TAS2R1: variants seen among roughly 807,000 people sequenced by gnomAD.
TAS2R1 encodes taste receptor type 2 member 1.
For synonymous variants in TAS2R1, 141 were observed against 134.2 expected (o/e 1.05, Z -0.35); for missense variants, 370 against 353.4 (o/e 1.05, Z -0.38).
chr5:9,868,024 C>G, the TAS2R1 span, among the ~76,000 whole-genome samples: 1 of 152,178 alleles, frequency 6.6e-6, no homozygotes, highest in East Asian at 1.9e-4. Flanking sequence ...GGCTCCAAGG[C>G]CTTGGGGAGC....
At chr5:9,871,504 C>T in the TAS2R1 span, among the ~76,000 whole-genome samples, 4 of 152,168 alleles carry the variant, frequency 2.6e-5, no homozygotes, top group Non-Finnish European at 4.4e-5. Context: ...TGGACACAGA[C>T]GTAAAGCCCT....
chr5:9,817,828 G>C, the TAS2R1 span, among the ~76,000 whole-genome samples: 35 of 151,620 alleles, frequency 2.3e-4, no homozygotes, highest in Non-Finnish European at 2.9e-5. Flanking sequence ...GGTAGAAGGT[G>C]AAGGGGAAGC....
the TAS2R1 span, among the ~76,000 whole-genome samples, chr5:9,779,225 G>C: frequency 6.6e-6 from 1 of 152,150 alleles, no homozygotes; most frequent in African/African-American, 2.4e-5. Flanking sequence ...TCCATCTCTT[G>C]TCATGTGACA....
the TAS2R1 span, chr5:9,854,306 C>T: frequency 5.3e-5 from 8 of 151,806 alleles, no homozygotes; most frequent in Non-Finnish European, 4.4e-5. Context: ...GGATTAGGGC[C>T]TCACCTGCTC....
chr5:9,673,118 A>T (rs1740803068), intron 1 of TAS2R1, among the ~76,000 whole-genome samples: 1 of 152,168 alleles, frequency 6.6e-6, no homozygotes, highest in East Asian at 1.9e-4. Flanking sequence ...AAAGAAGGGA[A>T]CAATAGACAC....
chr5:9,804,563 AT>A, the TAS2R1 span, among the ~76,000 whole-genome samples: 1 of 152,208 alleles, frequency 6.6e-6, no homozygotes, highest in African/African-American at 2.4e-5. Context: ...CCACAGTGGA[AT>A]AAAATTGGAA....
intron 1 of TAS2R1, among the ~76,000 whole-genome samples, chr5:9,707,540 G>A (rs948834920): frequency 9.9e-5 from 15 of 152,210 alleles, no homozygotes; most frequent in East Asian, 1.9e-4. Context: ...AAAATTAGCC[G>A]GGCGTGGTGG....
At chr5:9,791,720 A>G in the TAS2R1 span, among the ~76,000 whole-genome samples, 4 of 152,126 alleles carry the variant, frequency 2.6e-5, no homozygotes, top group Non-Finnish European at 5.9e-5. Flanking sequence ...AAAAGAAAAG[A>G]AGAAAAATAC....
intron 1 of TAS2R1, among the ~76,000 whole-genome samples, chr5:9,684,780 A>G (rs1037173372): frequency 6.6e-6 from 1 of 152,238 alleles, no homozygotes; most frequent in African/African-American, 2.4e-5. Flanking sequence ...TAATTTGATC[A>G]TTACACATAG....
At chr5:9,760,723 G>T in the TAS2R1 span, among the ~76,000 whole-genome samples, 418 of 152,306 alleles carry the variant, frequency 2.7e-3, 4 homozygotes, top group African/African-American at 9.1e-3. Context: ...CAAGATGTCA[G>T]TAGCTAACAT....
chr5:9,803,037 G>C, the TAS2R1 span, among the ~76,000 whole-genome samples: 1 of 152,182 alleles, frequency 6.6e-6, no homozygotes, highest in East Asian at 1.9e-4. Flanking sequence ...CAGTGAAATA[G>C]CACAAATAAA....
In TAS2R1 at chr5:9,630,046, A is replaced by C. The variant is rs373041902; in HGVS notation, c.-14T>G. Reference sequence around the variant, plus strand: ...AGACTCTAGCATTTTAGGAATAAAAAATTATTTACTTAAAAAATAATGAAG... The same window carrying C: ...AGACTCTAGCATTTTAGGAATAAAACATTATTTACTTAAAAAATAATGAAG... On this transcript the variant is annotated 5_prime_UTR_variant, in exon 1 of 1. It adds an upstream start codon to the 5' untranslated region. Transcript: ENST00000382492. The C allele has an allele frequency of 2.6e-6, 4 of 1,532,202 alleles. No homozygotes were observed. Among genetic ancestry groups the C allele is most frequent in the Admixed American group, 2.2e-5 (1 of 45,022 alleles). 94.9% of individuals were successfully genotyped at this position (1,532,202 alleles called of 1,614,324 possible).
chr5:9,688,545 C>A (rs576148521), intron 1 of TAS2R1, among the ~76,000 whole-genome samples: 2 of 152,062 alleles, frequency 1.3e-5, no homozygotes, highest in Non-Finnish European at 2.9e-5. Flanking sequence ...ATAGAAGGGC[C>A]GGATAATGCA....
chr5:9,874,504 G>A, the TAS2R1 span, among the ~76,000 whole-genome samples: 5 of 152,088 alleles, frequency 3.3e-5, no homozygotes, highest in Non-Finnish European at 5.9e-5. Flanking sequence ...AAGACTCAGG[G>A]ATCCTATTTC....
At chr5:9,813,522 C>T in the TAS2R1 span, among the ~76,000 whole-genome samples, 19 of 152,244 alleles carry the variant, frequency 1.2e-4, no homozygotes, top group Admixed American at 1.1e-3. Context: ...TTGAGTTTGG[C>T]AGGGCCACAC....
At chr5:9,664,448 C>T (rs1740593129) in intron 1 of TAS2R1, among the ~76,000 whole-genome samples, 1 of 152,188 alleles carries the variant, frequency 6.6e-6, no homozygotes, top group Non-Finnish European at 1.5e-5. Flanking sequence ...AGTCCCTCCC[C>T]TTCCAGGCAG....
the TAS2R1 span, among the ~76,000 whole-genome samples, chr5:9,900,618 G>GTTTTTTTTTT: frequency 4.2e-5 from 5 of 119,944 alleles, no homozygotes; most frequent in Admixed American, 9.0e-5. Flanking sequence ...TGCTCAAATG[G>GTTTTTTTTTT]TTTTTTTTTT....
chr5:9,653,415 T>C (rs912981764), intron 2 of TAS2R1, among the ~76,000 whole-genome samples: 2 of 152,226 alleles, frequency 1.3e-5, no homozygotes, highest in Non-Finnish European at 2.9e-5. Context: ...CATTCATTTG[T>C]TGATGGATGC....
intron 1 of TAS2R1, among the ~76,000 whole-genome samples, chr5:9,697,535 C>G (rs528675588): frequency 6.6e-6 from 1 of 152,122 alleles, no homozygotes; most frequent in South Asian, 2.1e-4. Flanking sequence ...ATGTTGAACA[C>G]AATTCAACTA....
Sources: allele counts gnomAD v4.1 joint callset (sites outside exome capture counted in the v4.1 genomes callset), GRCh38; gene constraint gnomAD v4.1.1; transcripts MANE v1.5; gene names NCBI Gene and HGNC (gene_info 2026-07-23, HGNC 2026-07-21).